LPAR1: variants seen among roughly 807,000 people sequenced by gnomAD.
LPAR1 encodes the protein LPA receptor 1.
In LPAR1, 5 loss-of-function variants were observed where a neutral mutation model predicts 23.8. That is an observed-to-expected ratio of 0.21 (90% CI 0.11 to 0.44). The LOEUF is 0.44. Among genes scored for constraint, LPAR1 ranks in the 20% least tolerant of loss-of-function variants. The pLI is 0.99. For synonymous variants in LPAR1, 160 were observed against 164.7 expected, an observed-to-expected ratio of 0.97 and a Z score of 0.22; for missense variants, 311 against 482.8, an observed-to-expected ratio of 0.64 and a Z score of 3.33.
intron 4 of LPAR1, among the ~76,000 whole-genome samples, chr9:110,969,928 G>C (rs1477110636): frequency 6.6e-6 from 1 of 152,126 alleles, no homozygotes; most frequent in South Asian, 2.1e-4. Flanking sequence ...GACAGGAGCA[G>C]GGCATGTGCA....
chr9:111,006,513 T>C (rs2097220315), intron 2 of LPAR1, among the ~76,000 whole-genome samples: 1 of 152,182 alleles, frequency 6.6e-6, no homozygotes, highest in Admixed American at 6.6e-5. Context: ...TGCAAACATC[T>C]ATATTACCAA....
chr9:110,971,378 A>G (rs1187120167), intron 4 of LPAR1, among the ~76,000 whole-genome samples: 1 of 152,168 alleles, frequency 6.6e-6, no homozygotes, highest in East Asian at 1.9e-4. Context: ...TTATCCTGCA[A>G]TCAGAGGAGC....
intron 2 of LPAR1, among the ~76,000 whole-genome samples, chr9:111,029,816 C>T (rs1317972352): frequency 2.0e-5 from 3 of 151,582 alleles, no homozygotes; most frequent in Admixed American, 6.6e-5. Context: ...TTTGAGAGGC[C>T]GAGGCGGGTG....
intron 5 of LPAR1, among the ~76,000 whole-genome samples, chr9:110,939,026 C>A (rs2094916034): frequency 6.6e-6 from 1 of 152,228 alleles, no homozygotes; most frequent in Admixed American, 6.5e-5. Context: ...CTTTCTTTCA[C>A]TGTTGGTTCA....
chr9:111,005,911 G>C (rs1366718794), intron 2 of LPAR1, among the ~76,000 whole-genome samples: 1 of 152,076 alleles, frequency 6.6e-6, no homozygotes, highest in Non-Finnish European at 1.5e-5. Flanking sequence ...CATCACCTCT[G>C]TACCTTGCAC....
chr9:110,925,487 T>C (rs1027965247), intron 5 of LPAR1, among the ~76,000 whole-genome samples: 10 of 152,126 alleles, frequency 6.6e-5, no homozygotes, highest in Non-Finnish European at 8.8e-5. Flanking sequence ...ACATCATTGA[T>C]TGAATGAATG....
At chr9:110,909,615 G>A (rs2092066691) in intron 5 of LPAR1, among the ~76,000 whole-genome samples, 1 of 152,104 alleles carries the variant, frequency 6.6e-6, no homozygotes, top group African/African-American at 2.4e-5. Flanking sequence ...TGCTCACTTG[G>A]TGTCTGTGTC....
intron 5 of LPAR1, among the ~76,000 whole-genome samples, chr9:110,898,025 C>T (rs1392386379): frequency 1.3e-5 from 2 of 152,204 alleles, no homozygotes; most frequent in Admixed American, 6.5e-5. Flanking sequence ...ATAGTCTTGA[C>T]AAGTCAGATT....
intron 4 of LPAR1, among the ~76,000 whole-genome samples, chr9:110,951,387 A>AT (rs1210494444): frequency 2.0e-5 from 3 of 152,166 alleles, no homozygotes; most frequent in Non-Finnish European, 2.9e-5. Flanking sequence ...AGAAACACAC[A>AT]TAAGAAAGAC....
chr9:110,875,418 G>A lies in LPAR1; in HGVS notation c.*3C>T, dbSNP rs377117526. Reference sequence around the variant, plus strand: ...CGGCTGGTTCCTCATCTCAGTTTCCGTTCTAAACCACAGAGTGGTCATTGC... The same window carrying A: ...CGGCTGGTTCCTCATCTCAGTTTCCATTCTAAACCACAGAGTGGTCATTGC... On this transcript the variant is annotated 3_prime_UTR_variant, in exon 6 of 6. Coordinates refer to ENST00000683809, the MANE Select transcript of LPAR1 (RefSeq NM_001351411.2). 4.9e-5 allele frequency: 79 copies of A among 1,605,174 alleles called. No individual in the cohort carries two copies. The highest frequency in any genetic ancestry group is 3.2e-4 in the African/African-American group (24 of 74,796).
chr9:110,949,051 G>T (rs1350208222), intron 4 of LPAR1, among the ~76,000 whole-genome samples: 1 of 152,074 alleles, frequency 6.6e-6, no homozygotes, highest in Non-Finnish European at 1.5e-5. Flanking sequence ...CACAAGGCTG[G>T]GATTTGAACT....
chr9:110,882,312 C>A (rs1001345898), intron 5 of LPAR1, among the ~76,000 whole-genome samples: 1 of 152,096 alleles, frequency 6.6e-6, no homozygotes, highest in Non-Finnish European at 1.5e-5. Flanking sequence ...TATTGCCTGG[C>A]GACAGCAGAC....
intron 5 of LPAR1, among the ~76,000 whole-genome samples, chr9:110,883,403 G>T (rs1351196933): frequency 6.6e-6 from 1 of 151,990 alleles, no homozygotes; most frequent in African/African-American, 2.4e-5. Context: ...ATAGATATTG[G>T]ATGTACCACT....
chr9:110,978,903 C>T (rs928480005), intron 2 of LPAR1, among the ~76,000 whole-genome samples: 27 of 152,156 alleles, frequency 1.8e-4, no homozygotes, highest in Admixed American at 5.2e-4. Flanking sequence ...GTGGTGGTTA[C>T]CAAAGGCTGG....
At chr9:110,907,034 C>T (rs1452952456) in intron 5 of LPAR1, among the ~76,000 whole-genome samples, 1 of 152,134 alleles carries the variant, frequency 6.6e-6, no homozygotes, top group African/African-American at 2.4e-5. Flanking sequence ...GGTATTACTA[C>T]ATGCAGCTAA....
chr9:110,875,942 G>A (rs1490477623), intron 5 of LPAR1, among the ~76,000 whole-genome samples: 2 of 152,112 alleles, frequency 1.3e-5, no homozygotes, highest in Non-Finnish European at 2.9e-5. Flanking sequence ...CTAAAATCAA[G>A]CAATTATGAG....
intron 2 of LPAR1, among the ~76,000 whole-genome samples, chr9:111,000,541 T>C (rs1160380920): frequency 6.6e-6 from 1 of 152,170 alleles, no homozygotes; most frequent in Non-Finnish European, 1.5e-5. Context: ...AGGAGAGCCA[T>C]GGCTGCAATC....
intron 5 of LPAR1, among the ~76,000 whole-genome samples, chr9:110,878,749 G>A (rs748063987): frequency 2.6e-5 from 4 of 152,170 alleles, no homozygotes; most frequent in Non-Finnish European, 5.9e-5. Flanking sequence ...CATGACTTAC[G>A]TGAGTGGCAC....
At chr9:110,981,418 T>C (rs191400709) in intron 2 of LPAR1, among the ~76,000 whole-genome samples, 6 of 152,178 alleles carry the variant, frequency 3.9e-5, no homozygotes, top group Admixed American at 3.3e-4. Context: ...CATATGACTA[T>C]AAGAATTGAA....
Sources: gnomAD v4.1 joint callset for allele counts (sites outside exome capture counted in the v4.1 genomes callset) on GRCh38, gnomAD v4.1.1 for gene constraint, MANE v1.5 for transcripts, NCBI Gene and HGNC (gene_info 2026-07-23, HGNC 2026-07-21) for gene names.